Variants in MAGI1 observed in about 807,000 individuals in gnomAD.
The protein encoded by MAGI1 is membrane-associated guanylate kinase, WW and PDZ domain-containing protein 1.
In MAGI1, 58 loss-of-function variants were observed where a neutral mutation model predicts 139.9. The observed-to-expected ratio is 0.41, with a 90% CI of 0.34 to 0.52. The LOEUF is 0.52. Ranked by LOEUF, MAGI1 falls within the 20% of genes least tolerant of loss-of-function variation. MAGI1 has a pLI of 0.12. For synonymous variants in MAGI1, 812 were observed against 737.9 expected (o/e 1.10, Z -1.63); for missense variants, 1,874 against 1,901.6 (o/e 0.99, Z 0.27).
intron 1 of MAGI1, among the ~76,000 whole-genome samples, chr3:65,888,199 T>C (rs1245305831): frequency 6.6e-6 from 1 of 152,154 alleles, no homozygotes; most frequent in African/African-American, 2.4e-5. Flanking sequence ...ACTTCAAACA[T>C]TCCTAGAACA....
chr3:65,924,499 G>A (rs1404681613), intron 1 of MAGI1, among the ~76,000 whole-genome samples: 1 of 152,156 alleles, frequency 6.6e-6, no homozygotes, highest in East Asian at 1.9e-4. Context: ...AGGATTCTAG[G>A]AGAAGCCATC....
intron 4 of MAGI1, among the ~76,000 whole-genome samples, chr3:65,470,981 T>C (rs1174893775): frequency 1.3e-5 from 2 of 152,234 alleles, no homozygotes; most frequent in African/African-American, 4.8e-5. Context: ...TTTGTATAAA[T>C]ATTTTTGGTA....
chr3:65,595,892 C>T (rs540466213), intron 2 of MAGI1, among the ~76,000 whole-genome samples: 5 of 152,170 alleles, frequency 3.3e-5, no homozygotes, highest in Admixed American at 1.3e-4. Context: ...ATCCCCTTTC[C>T]CAAAGCCAAA....
Position 65,647,712 on chromosome 3 carries a change from C to T in MAGI1, c.314-25624G>A, listed in dbSNP as rs115232242. Among the ~76,000 whole-genome samples, 580 of 152,142 alleles carry T rather than the reference C, an allele frequency of 3.8e-3. 7 individuals carry two copies. Among genetic ancestry groups the T allele is most frequent in the African/African-American group, 0.013 (558 of 41,546 alleles). On this transcript the variant is annotated intron_variant, in intron 1 of 22. Transcript: ENST00000402939. ...GATAAGATTCAACATTCTTTTATGA[C>T]AAAAACTTTAAGAAAACTACAAATA...
In MAGI1 at chr3:65,354,465, T is replaced by C. The variant is rs1575586128; in HGVS notation, c.*1913A>G. Reference sequence around the variant, plus strand: ...ATATGCATAGTGTTTTATAAAAAGATTGGCCCACATACTGCTTTTCATCAA... The same window carrying C: ...ATATGCATAGTGTTTTATAAAAAGACTGGCCCACATACTGCTTTTCATCAA... On this transcript the variant is annotated 3_prime_UTR_variant, in exon 23 of 23. Coordinates refer to ENST00000402939, the MANE Select transcript of MAGI1 (RefSeq NM_001033057.2). 1 of 152,786 alleles carries C rather than the reference T, an allele frequency of 6.5e-6. No homozygotes were observed. Among genetic ancestry groups the C allele is most frequent in the East Asian group, 1.9e-4 (1 of 5,188 alleles). 9.5% of individuals were successfully genotyped at this position (152,786 alleles called of 1,614,324 possible).
At chr3:65,602,038 T>C (rs1439939732) in intron 2 of MAGI1, among the ~76,000 whole-genome samples, 2 of 152,110 alleles carry the variant, frequency 1.3e-5, no homozygotes, top group African/African-American at 2.4e-5. Context: ...TGACATCCCA[T>C]TCATACCCAC....
intron 1 of MAGI1, among the ~76,000 whole-genome samples, chr3:65,898,884 A>G (rs961023181): frequency 1.3e-5 from 2 of 152,168 alleles, no homozygotes; most frequent in African/African-American, 2.4e-5. Context: ...TTATTTGTCA[A>G]TTTAAGTAAA....
chr3:65,722,504 G>A (rs1205419192), intron 1 of MAGI1, among the ~76,000 whole-genome samples: 1 of 151,986 alleles, frequency 6.6e-6, no homozygotes, highest in Non-Finnish European at 1.5e-5. Context: ...ACAGTGGCAT[G>A]TACCTGTAGT....
At chr3:65,917,735 G>C (rs1204984752) in intron 1 of MAGI1, among the ~76,000 whole-genome samples, 1 of 152,170 alleles carries the variant, frequency 6.6e-6, no homozygotes, top group Non-Finnish European at 1.5e-5. Flanking sequence ...TTCTGGAAAA[G>C]GCAAAACGAT....
At chr3:65,404,943 C>A (rs1261418027) in intron 12 of MAGI1, among the ~76,000 whole-genome samples, 1 of 152,152 alleles carries the variant, frequency 6.6e-6, no homozygotes, top group Non-Finnish European at 1.5e-5. Flanking sequence ...CAAATCATGT[C>A]ACATATCACA....
At chr3:65,906,777 T>C (rs2061450934) in intron 1 of MAGI1, among the ~76,000 whole-genome samples, 1 of 151,224 alleles carries the variant, frequency 6.6e-6, no homozygotes, top group African/African-American at 2.4e-5. Flanking sequence ...TCCCAGCTAC[T>C]AGGGAGGCTG....
At chr3:65,600,752 A>G (rs1220010345) in intron 2 of MAGI1, among the ~76,000 whole-genome samples, 2 of 152,250 alleles carry the variant, frequency 1.3e-5, no homozygotes, top group Non-Finnish European at 2.9e-5. Context: ...TAACTGTGAG[A>G]AAAAGGCCAA....
intron 1 of MAGI1, among the ~76,000 whole-genome samples, chr3:65,932,684 A>G (rs2062860016): frequency 6.6e-6 from 1 of 152,208 alleles, no homozygotes; most frequent in Non-Finnish European, 1.5e-5. Flanking sequence ...ATAATAAGAG[A>G]GCCAAAGGGG....
Position 65,353,591 on chromosome 3 carries a change from A to G in MAGI1, c.*2787T>C, listed in dbSNP as rs2106663403. On this transcript the variant is annotated 3_prime_UTR_variant, in exon 23 of 23. Transcript: ENST00000402939. ...AAAATGCATTAAAAAATCTTTCACA[A>G]AAGAAACTTAAAAAATACAATTAGG... The G allele has an allele frequency of 6.6e-6, 1 of 152,288 alleles. No homozygotes were observed. The highest frequency in any genetic ancestry group is 2.1e-4 in the South Asian group (1 of 4,820). The allele number at this position is 152,288 out of a possible 1,614,324, so 9.4% of individuals were successfully genotyped here. A position where few individuals can be genotyped will look rare whatever the true frequency, so the allele number is the denominator to read the frequency against.
At position 65,775,807 on chromosome 3, in the gene MAGI1, G is replaced by A. The variant is rs185839549; in HGVS notation, c.314-153719C>T. Among the ~76,000 whole-genome samples, 470 of 152,030 alleles carry A rather than the reference G, an allele frequency of 3.1e-3. 5 individuals are homozygous for A. Among genetic ancestry groups the A allele is most frequent in the African/African-American group, 0.011 (445 of 41,462 alleles). On this transcript the variant is annotated intron_variant, in intron 1 of 22. Coordinates refer to ENST00000402939, the MANE Select transcript of MAGI1 (RefSeq NM_001033057.2). ...AAATATAAAAAATTAGCTGGACATG[G>A]TGGCACATGCCTGTAGTCCCAGCTA...
chr3:65,664,109 A>G (rs2086365216), intron 1 of MAGI1, among the ~76,000 whole-genome samples: 1 of 152,078 alleles, frequency 6.6e-6, no homozygotes, highest in Non-Finnish European at 1.5e-5. Flanking sequence ...ATGCCATTGC[A>G]ACAGTTCCCA....
At chr3:65,761,708 A>G (rs2037045881) in intron 1 of MAGI1, among the ~76,000 whole-genome samples, 1 of 152,160 alleles carries the variant, frequency 6.6e-6, no homozygotes, top group Non-Finnish European at 1.5e-5. Context: ...AGAATGCACA[A>G]TTTCGTGTTA....
At chr3:65,522,203 G>A (rs2078194301) in intron 2 of MAGI1, among the ~76,000 whole-genome samples, 1 of 152,154 alleles carries the variant, frequency 6.6e-6, no homozygotes, top group African/African-American at 2.4e-5. Context: ...CAATTAAAAA[G>A]AATTCTTCAC....
intron 1 of MAGI1, among the ~76,000 whole-genome samples, chr3:65,775,329 G>C (rs2038286581): frequency 6.6e-6 from 1 of 151,362 alleles, no homozygotes; most frequent in Admixed American, 6.6e-5. Flanking sequence ...CATGCCTGTA[G>C]TATCAGCTAC....
Sources: allele counts gnomAD v4.1 joint callset (sites outside exome capture counted in the v4.1 genomes callset), GRCh38; gene constraint gnomAD v4.1.1; transcripts MANE v1.5; gene names NCBI Gene and HGNC (gene_info 2026-07-23, HGNC 2026-07-21).